The following TENM4 variants were observed in gnomAD, a reference collection of about 807,000 sequenced individuals.
The protein encoded by TENM4 is teneurin transmembrane protein 4, also known as teneurin-4.
TENM4 carries 82 observed loss-of-function variants against 243.3 expected under a neutral mutation model. The observed-to-expected ratio is 0.34, with a 90% CI of 0.28 to 0.40. The LOEUF is 0.40. Among genes scored for constraint, TENM4 ranks in the 10% least tolerant of loss-of-function variants. The pLI is 1.00. For synonymous variants in TENM4, 1,412 were observed against 1,456.3 expected, an observed-to-expected ratio of 0.97 and a Z score of 0.69; for missense variants, 3,138 against 3,673.3, an observed-to-expected ratio of 0.85 and a Z score of 3.77.
At chr11:79,372,292 G>A (rs2135510847) in intron 1 of TENM4, among the ~76,000 whole-genome samples, 1 of 152,312 alleles carries the variant, frequency 6.6e-6, no homozygotes, top group African/African-American at 2.4e-5. Context: ...GGATTTGGAT[G>A]GCAGAACCAT....
At chr11:79,317,536 AT>A (rs1012277943) in intron 1 of TENM4, among the ~76,000 whole-genome samples, 7 of 152,060 alleles carry the variant, frequency 4.6e-5, no homozygotes, top group Non-Finnish European at 1.0e-4. Flanking sequence ...GGACTTTTAT[AT>A]CTTTATTAAA....
chr11:79,274,535 G>A (rs898002866), intron 2 of TENM4, among the ~76,000 whole-genome samples: 4 of 152,124 alleles, frequency 2.6e-5, no homozygotes, highest in Admixed American at 2.0e-4. Context: ...ATGAAATCTT[G>A]GTAAAATGGT....
chr11:79,374,622 T>C (rs964779584), intron 1 of TENM4, among the ~76,000 whole-genome samples: 5 of 152,042 alleles, frequency 3.3e-5, no homozygotes, highest in Non-Finnish European at 7.4e-5. Flanking sequence ...ATGATATCAC[T>C]AAGTCATGGT....
At chr11:78,756,764 C>T (rs765197103) in intron 19 of TENM4, 41 bp downstream of exon 19, 3 of 1,572,000 alleles carry the variant, frequency 1.9e-6, no homozygotes, top group Non-Finnish European at 2.6e-6. Context: ...TTCAGTTCTC[C>T]CTCAGAGAGC....
At chr11:79,155,305 C>T (rs1862584355) in intron 3 of TENM4, among the ~76,000 whole-genome samples, 2 of 151,906 alleles carry the variant, frequency 1.3e-5, no homozygotes, top group East Asian at 1.9e-4. Flanking sequence ...TAGGGCAAAG[C>T]TTCCAGCCTT....
chr11:79,409,120 G>T (rs192136344), intron 1 of TENM4, among the ~76,000 whole-genome samples: 3 of 149,620 alleles, frequency 2.0e-5, no homozygotes, highest in African/African-American at 7.4e-5. Flanking sequence ...GCGCGTGCGT[G>T]CACGCGCACG....
In TENM4 at chr11:78,657,907, A is replaced by T; in HGVS notation, c.*151T>A. 8.2e-7 allele frequency: 1 copy of T among 1,224,274 alleles called. No homozygotes were observed. The highest frequency in any genetic ancestry group is 1.8e-5 in the Admixed American group (1 of 54,082). 75.8% of individuals were successfully genotyped at this position (1,224,274 alleles called of 1,614,324 possible). A position where few individuals can be genotyped will look rare whatever the true frequency, so the allele number is the denominator to read the frequency against. ...GGCCAAATCTGTGTTTTTCTTTTCT[A>T]AAAAAAAGGATGTTGCATGAGTTAC... On this transcript the variant is annotated 3_prime_UTR_variant, in exon 34 of 34. Transcript: ENST00000278550.
At chr11:79,430,159 G>A (rs1859135961) in intron 1 of TENM4, among the ~76,000 whole-genome samples, 2 of 150,344 alleles carry the variant, frequency 1.3e-5, no homozygotes, top group Admixed American at 1.3e-4. Context: ...TTTTTAGTTA[G>A]GCATGTTTGT....
intron 6 of TENM4, among the ~76,000 whole-genome samples, chr11:79,042,633 C>T (rs1275936179): frequency 6.6e-6 from 1 of 152,190 alleles, no homozygotes; most frequent in East Asian, 1.9e-4. Flanking sequence ...TTGTAATTTA[C>T]CCAGTCTAGG....
At chr11:79,232,838 C>T (rs995654349) in intron 2 of TENM4, among the ~76,000 whole-genome samples, 1 of 152,188 alleles carries the variant, frequency 6.6e-6, no homozygotes. Flanking sequence ...CAAAAGCTCA[C>T]CAGGACACCC....
intron 1 of TENM4, among the ~76,000 whole-genome samples, chr11:79,435,991 C>T (rs563599100): frequency 6.6e-4 from 101 of 152,238 alleles, no homozygotes; most frequent in African/African-American, 2.4e-3. Flanking sequence ...TTTCATTTCA[C>T]GCATTTGAAG....
intron 6 of TENM4, among the ~76,000 whole-genome samples, chr11:79,025,018 C>T (rs561293946): frequency 1.2e-4 from 18 of 152,252 alleles, no homozygotes; most frequent in South Asian, 1.0e-3. Flanking sequence ...AAAAACCTGC[C>T]GGAGGCAGCA....
intron 4 of TENM4, among the ~76,000 whole-genome samples, chr11:79,077,417 GA>G (rs1860559753): frequency 6.6e-6 from 1 of 152,098 alleles, no homozygotes; most frequent in Admixed American, 6.5e-5. Context: ...GGTAAGGAGA[GA>G]AAAAAGTTTA....
chr11:79,221,516 A>G (rs910534555), intron 2 of TENM4, among the ~76,000 whole-genome samples: 3 of 151,754 alleles, frequency 2.0e-5, no homozygotes, highest in African/African-American at 4.8e-5. Context: ...CTGCATACAC[A>G]GAAGAGCATC....
intron 4 of TENM4, among the ~76,000 whole-genome samples, chr11:79,142,886 G>A (rs1862315810): frequency 6.6e-6 from 1 of 151,978 alleles, no homozygotes; most frequent in Non-Finnish European, 1.5e-5. Context: ...CTGGGGAAAG[G>A]ACACTCTCTT....
intron 21 of TENM4, among the ~76,000 whole-genome samples, chr11:78,729,953 C>T (rs550087301): frequency 1.2e-4 from 18 of 152,260 alleles, no homozygotes; most frequent in South Asian, 1.0e-3. Flanking sequence ...CACCTCACCT[C>T]GCCAAGCCTC....
rs1486318649 is a variant in TENM4, at chr11:78,885,902, G to A, written c.1084+3883C>T. On this transcript the variant is annotated intron_variant, in intron 9 of 33. Transcript: ENST00000278550. The stretch of plus-strand genomic sequence containing the variant: ...ACTGTGCCGGTGCACTCCAGCTTGG[G>A]TGACAGAGTGAGACCCCCATCTCTA... 2.6e-5 allele frequency among the ~76,000 whole-genome samples: 4 copies of A among 151,398 alleles called. No individual in the cohort carries two copies. The East Asian group carries it at 5.9e-4, about 23-fold the overall frequency.
chr11:78,708,580 G>A, intron 26 of TENM4, 65 bp from the exon 27 acceptor site: 2 of 1,560,406 alleles, frequency 1.3e-6, no homozygotes, highest in Non-Finnish European at 1.7e-6. Context: ...CACATTCCTG[G>A]AGCCTTGCTA....
At chr11:78,735,595 A>G (rs1272825660) in intron 20 of TENM4, among the ~76,000 whole-genome samples, 3 of 152,216 alleles carry the variant, frequency 2.0e-5, no homozygotes, top group African/African-American at 7.2e-5. Flanking sequence ...TGCTTTGGAC[A>G]TGAATGTGAA....
Sources: gnomAD v4.1 joint callset for allele counts (sites outside exome capture counted in the v4.1 genomes callset) on GRCh38, gnomAD v4.1.1 for gene constraint, MANE v1.5 for transcripts, NCBI Gene and HGNC (gene_info 2026-07-23, HGNC 2026-07-21) for gene names.